Variants in STXBP2 observed in about 807,000 individuals in gnomAD.
STXBP2 encodes syntaxin-binding protein 2.
In STXBP2, 47 loss-of-function variants were observed where a neutral mutation model predicts 72.2. The observed-to-expected ratio is 0.65, with a 90% confidence interval of 0.51 to 0.83. The LOEUF is 0.83. Ranked by LOEUF, STXBP2 falls within the 40% of genes least tolerant of loss-of-function variation. The pLI is 0.00. For missense variants in STXBP2, 702 were observed against 807.6 expected (o/e 0.87, Z 1.58); for synonymous variants, 367 against 338.7 (o/e 1.08, Z -0.92).
chr19:7,647,423 G>A lies in STXBP2; in HGVS notation c.1608G>A (p.Val536=), dbSNP rs2146234010. The A allele has an allele frequency of 6.2e-7, 1 of 1,613,684 alleles. No homozygotes were observed. The highest frequency in any genetic ancestry group is 1.1e-5 in the South Asian group (1 of 91,084). ...CCCGGGCGGGCCCCCGGCTCATCGT[G>A]TATGTCATGGGCGGTGTGGCCATGT... ...IEARAGPRLI[V]YVMGGVAMSE... Residue 536 remains valine (V), a synonymous_variant, in exon 18 of 19, where the codon GTG becomes GTA. Coordinates refer to ENST00000221283, the MANE Select transcript of STXBP2 (RefSeq NM_006949.4).
At chr19:7,630,730 G>A in the STXBP2 span, 17 of 1,532,020 alleles carry the variant, frequency 1.1e-5, no homozygotes, top group Admixed American at 2.0e-5. Flanking sequence ...AGTCTGCTGG[G>A]GACTAATGTC....
chr19:7,637,208 G>A (rs1404955129), intron 1 of STXBP2, 22 bp downstream of exon 1: 13 of 1,242,024 alleles, frequency 1.0e-5, no homozygotes, highest in Non-Finnish European at 1.3e-5. Flanking sequence ...TCCGGGGCCG[G>A]GCTCTGGCGT....
In STXBP2 at chr19:7,647,852, A is replaced by C. The variant is rs1483634893; in HGVS notation, c.*42A>C. 6.4e-7 allele frequency: 1 copy of C among 1,554,010 alleles called. No homozygotes were observed. The highest frequency in any genetic ancestry group is 8.9e-7 in the Non-Finnish European group (1 of 1,128,936). ...CTACCCCTCCCTTTCCAGAGAAATAAACTCTTCCCGTCGCTCTGCCAGCCA... is the reference window on the plus strand; with the variant it reads ...CTACCCCTCCCTTTCCAGAGAAATACACTCTTCCCGTCGCTCTGCCAGCCA... On this transcript the variant is annotated 3_prime_UTR_variant, in exon 19 of 19. Transcript: ENST00000221283.
rs76836497 is a variant in STXBP2 at position 7,644,697 on chromosome 19, G to A, written c.1191G>A (p.Ala397=). 1,929 of 1,613,796 alleles carry A rather than the reference G, an allele frequency of 1.2e-3. 24 individuals carry two copies. The African/African-American group carries it at 0.023, about 19-fold the overall frequency. ...TCGTTCCGGTGCTGCTGGACGCGGCGGTGCCCGCCTACGACAAGATCCGGG... is the reference window on the plus strand; with the variant it reads ...TCGTTCCGGTGCTGCTGGACGCGGCAGTGCCCGCCTACGACAAGATCCGGG... ...KLIVPVLLDA[A]VPAYDKIRVL... Residue 397 remains alanine, a synonymous_variant, in exon 14 of 19, where the codon GCG becomes GCA. Coordinates refer to ENST00000221283, the MANE Select transcript of STXBP2 (RefSeq NM_006949.4).
rs138778615 is a variant in STXBP2 at position 7,637,369 on chromosome 19, G to C, written c.37+183G>C. Among the ~76,000 whole-genome samples the C allele has an allele frequency of 5.4e-3, 816 of 152,228 alleles. 7 individuals are homozygous for C. Among genetic ancestry groups the C allele is most frequent in the African/African-American group, 0.019 (779 of 41,540 alleles). ...CCCAGCTGGACGCCCCTGCTCTCCG[G>C]TGCCAGAACAGAACAAAATTGGGGG... is the stretch of plus-strand genomic sequence containing the variant. On this transcript the variant is annotated intron_variant, in intron 1 of 18. Transcript: ENST00000221283.
At chr19:7,633,573 C>A, upstream of STXBP2, 1 of 989,018 alleles carries the variant, frequency 1.0e-6, no homozygotes, top group South Asian at 1.5e-5. Context: ...AAATCCCCAG[C>A]TCATGCCCCA....
chr19:7,635,151 C>A (rs537751332), upstream of STXBP2, among the ~76,000 whole-genome samples: 10 of 152,320 alleles, frequency 6.6e-5, no homozygotes, highest in South Asian at 2.1e-3. Flanking sequence ...TCTGTCCCCC[C>A]AAGGGGTCAG....
At chr19:7,630,595 C>G in the STXBP2 span, 3 of 1,537,068 alleles carry the variant, frequency 2.0e-6, no homozygotes, top group African/African-American at 4.1e-5. Flanking sequence ...CTCACTTTCC[C>G]TGTGGCTATG....
At chr19:7,637,099 G>A, upstream of STXBP2, 1 of 1,235,752 alleles carries the variant, frequency 8.1e-7, no homozygotes, top group Non-Finnish European at 1.0e-6. Context: ...GCGGGGCCAC[G>A]CCCCCACCTT....
rs753132750 is a variant in STXBP2, at chr19:7,642,118, G to A, written c.663G>A (p.Glu221=). ...AGGCAGACACTCCCAGTCTGGGCGA[G>A]GTGAGGGGGCGTGCTTGGGAGGTGA... ...AFKADTPSLG[E]GPEKTRSQLL... Residue 221 remains glutamate (E), a splice_region_variant and synonymous_variant, in exon 8 of 19, where the codon GAG becomes GAA. Transcript: ENST00000221283. This position sits in a 1 kb window ranked among gnomAD's most constrained non-coding sequence, Gnocchi z 6.0. 6.2e-7 allele frequency: 1 copy of A among 1,614,120 alleles called. No homozygotes were observed. Among genetic ancestry groups the A allele is most frequent in the Non-Finnish European group, 8.5e-7 (1 of 1,180,016 alleles).
chr19:7,637,095 C>G, upstream of STXBP2: 1 of 1,234,584 alleles, frequency 8.1e-7, no homozygotes, highest in Non-Finnish European at 1.0e-6. Flanking sequence ...ACGCGCGGGG[C>G]CACGCCCCCA....
intron 14 of STXBP2, 157 bp downstream of exon 14, chr19:7,644,909 A>G: frequency 6.8e-7 from 1 of 1,476,628 alleles, no homozygotes; most frequent in East Asian, 2.5e-5. Flanking sequence ...ACCCTCCTCC[A>G]TTGGCTTGGG....
At chr19:7,645,559 C>CAGTTGGG (rs1296687083) in intron 15 of STXBP2, among the ~76,000 whole-genome samples, 2 of 150,374 alleles carry the variant, frequency 1.3e-5, no homozygotes, top group African/African-American at 4.9e-5. Flanking sequence ...GGCAGTGGTG[C>CAGTTGGG]AGTTGGGAGC....
At chr19:7,644,999 C>T in intron 14 of STXBP2, 198 bp from the exon 15 acceptor site, 1 of 1,449,030 alleles carries the variant, frequency 6.9e-7, no homozygotes, top group South Asian at 1.4e-5. Flanking sequence ...GGGGCTCCCT[C>T]AGCTCATCTG....
upstream of STXBP2, among the ~76,000 whole-genome samples, chr19:7,633,201 A>G (rs60073905): frequency 3.3e-3 from 499 of 152,284 alleles, 4 homozygotes; most frequent in African/African-American, 0.011. Context: ...TCTCCCATCA[A>G]TAGGGGTCCA....
Position 7,644,596 on chromosome 19 carries a change from C to A in STXBP2, c.1108-18C>A, listed in dbSNP as rs762061676. The A allele has an allele frequency of 1.2e-6, 2 of 1,610,664 alleles. No homozygotes were observed. Among genetic ancestry groups the A allele is most frequent in the East Asian group, 2.2e-5 (1 of 44,866 alleles). On this transcript the variant is annotated intron_variant, in intron 13 of 18. Coordinates refer to ENST00000221283, the MANE Select transcript of STXBP2 (RefSeq NM_006949.4). ...CTGACACATAGCGGCCGGTGGACGGCTGACCCCATGCCCGCAGGACCTGGC... is the reference window on the plus strand; with the variant it reads ...CTGACACATAGCGGCCGGTGGACGGATGACCCCATGCCCGCAGGACCTGGC...
At chr19:7,632,870 T>G (rs1045183060), upstream of STXBP2, 75 of 1,535,688 alleles carry the variant, frequency 4.9e-5, no homozygotes, top group Non-Finnish European at 6.3e-5. The surrounding 1 kb of genome is among the most constrained non-coding windows in gnomAD (Gnocchi z 5.2). Context: ...CCCTTCAGCT[T>G]GGGGGCCCCT....
Position 7,647,773 on chromosome 19 carries a change from C to T in STXBP2, c.1745C>T (p.Ala582Val), listed in dbSNP as rs1218746706. The change falls in exon 19 of 19, where the codon GCA (alanine) becomes GTA (valine). Residue 582 changes from alanine (A) to valine (V), a missense_variant. Ala to Val is a moderately conservative substitution (Grantham distance 64). Coordinates refer to ENST00000221283, the MANE Select transcript of STXBP2 (RefSeq NM_006949.4). Reference protein sequence around the residue: ...TPTRFLDDLKALDKKLEDIAL... With the variant: ...TPTRFLDDLKVLDKKLEDIAL... Reference sequence around the variant, plus strand: ...ACCCGCTTCCTGGATGACCTGAAGGCACTGGACAAGAAGCTGGAGGACATT... The same window carrying T: ...ACCCGCTTCCTGGATGACCTGAAGGTACTGGACAAGAAGCTGGAGGACATT... 1 of 1,614,140 alleles carries T rather than the reference C, an allele frequency of 6.2e-7. No individual in the cohort carries two copies. Among genetic ancestry groups the T allele is most frequent in the South Asian group, 1.1e-5 (1 of 91,084 alleles).
intron 18 of STXBP2, 49 bp from the exon 19 acceptor site, chr19:7,647,676 C>T (rs760617033): frequency 5.9e-5 from 95 of 1,608,100 alleles, no homozygotes; most frequent in Admixed American, 1.8e-4. Context: ...CTGTCAAAGA[C>T]GAAGGCAGCG....
Sources: allele counts gnomAD v4.1 joint callset (sites outside exome capture counted in the v4.1 genomes callset), GRCh38; gene constraint gnomAD v4.1.1; non-coding constraint Gnocchi (gnomAD v3.1); transcripts MANE v1.5; gene names NCBI Gene and HGNC (gene_info 2026-07-23, HGNC 2026-07-21).